The following SCMH1 variants were observed in gnomAD, a reference collection of about 807,000 sequenced individuals.
SCMH1 encodes Scm polycomb group protein homolog 1.
Under a neutral mutation model 70.8 loss-of-function variants are expected in SCMH1, and 37 were observed. That is an observed-to-expected ratio of 0.52 (90% CI 0.40 to 0.69). SCMH1 has a LOEUF of 0.69. Among genes scored for constraint, SCMH1 ranks in the 30% least tolerant of loss-of-function variants. The probability of loss-of-function intolerance (pLI) is 0.00; values close to 1 mark genes in which losing one functional copy is unlikely to be tolerated. For synonymous variants in SCMH1, 292 were observed against 307.4 expected (o/e 0.95, Z 0.52); for missense variants, 607 against 827.3 (o/e 0.73, Z 3.27).
At chr1:41,122,353 A>G (rs1368406167) in intron 6 of SCMH1, among the ~76,000 whole-genome samples, 5 of 152,194 alleles carry the variant, frequency 3.3e-5, no homozygotes. Flanking sequence ...TTGCTGAGAC[A>G]TCACTTCCTC....
intron 10 of SCMH1, among the ~76,000 whole-genome samples, chr1:41,062,481 C>T (rs989157815): frequency 6.6e-6 from 1 of 151,916 alleles, no homozygotes; most frequent in Non-Finnish European, 1.5e-5. Context: ...TTGGCTCACA[C>T]CTGTAATCCC....
chr1:41,033,348 C>T (rs368187568), intron 13 of SCMH1, among the ~76,000 whole-genome samples: 1 of 151,918 alleles, frequency 6.6e-6, no homozygotes, highest in African/African-American at 2.4e-5. Context: ...CATGAACTAC[C>T]AGGGTGGCAG....
chr1:41,156,241 C>G (rs1001618974), intron 4 of SCMH1, among the ~76,000 whole-genome samples: 1 of 152,198 alleles, frequency 6.6e-6, no homozygotes, highest in Non-Finnish European at 1.5e-5. Context: ...GGCTACTGTT[C>G]TGGCCACATT....
At chr1:41,131,041 C>G (rs1210538808) in intron 6 of SCMH1, among the ~76,000 whole-genome samples, 1 of 152,138 alleles carries the variant, frequency 6.6e-6, no homozygotes, top group East Asian at 1.9e-4. Context: ...TTAGCTCTTA[C>G]ATTTAGGTCC....
chr1:41,075,452 C>T lies in SCMH1; in HGVS notation c.746-1G>A. 6.2e-7 allele frequency: 1 copy of T among 1,612,946 alleles called. No homozygotes were observed. On this transcript the variant is annotated splice_acceptor_variant, in intron 8 of 14. Transcript: ENST00000337495. LOFTEE classifies it high-confidence loss of function. Reference sequence around the variant, plus strand: ...GGATAGGGATTCTTTGGAATCACAACTGCAAGAAAAAGACTCATTCTATCA... The same window carrying T: ...GGATAGGGATTCTTTGGAATCACAATTGCAAGAAAAAGACTCATTCTATCA...
At chr1:41,042,611 ACTCTG>A (rs1646337853) in intron 12 of SCMH1, among the ~76,000 whole-genome samples, 1 of 150,920 alleles carries the variant, frequency 6.6e-6, no homozygotes, top group African/African-American at 2.4e-5. Context: ...TGAAGAAGAG[ACTCTG>A]CTCTGACATT....
At chr1:41,154,902 G>A (rs1343602223) in intron 4 of SCMH1, among the ~76,000 whole-genome samples, 1 of 152,076 alleles carries the variant, frequency 6.6e-6, no homozygotes, top group East Asian at 1.9e-4. Flanking sequence ...ATATGACAGG[G>A]GTCCCTGCCC....
At chr1:41,185,644 T>C (rs1053133368) in intron 2 of SCMH1, among the ~76,000 whole-genome samples, 2 of 151,806 alleles carry the variant, frequency 1.3e-5, no homozygotes, top group Non-Finnish European at 2.9e-5. Flanking sequence ...AGATTTTTTT[T>C]TTTTTTTTGA....
At chr1:41,119,046 T>G (rs1333301115) in intron 6 of SCMH1, among the ~76,000 whole-genome samples, 1 of 152,172 alleles carries the variant, frequency 6.6e-6, no homozygotes, top group Non-Finnish European at 1.5e-5. Context: ...TATTTGAAGT[T>G]AAATAAATTG....
chr1:41,087,526 A>G (rs1662080925), intron 8 of SCMH1, among the ~76,000 whole-genome samples: 2 of 152,104 alleles, frequency 1.3e-5, no homozygotes, highest in South Asian at 4.1e-4. Flanking sequence ...AAAGAAAAAA[A>G]AAAGATAAAA....
intron 8 of SCMH1, among the ~76,000 whole-genome samples, chr1:41,104,240 C>T (rs991905958): frequency 3.3e-5 from 5 of 152,292 alleles, no homozygotes; most frequent in Non-Finnish European, 7.3e-5. Flanking sequence ...GCACTGCTAA[C>T]ATGAGCCTGT....
intron 10 of SCMH1, among the ~76,000 whole-genome samples, chr1:41,063,868 T>G (rs79611189): frequency 0.013 from 2,034 of 152,330 alleles, 46 homozygotes; most frequent in African/African-American, 0.047. Context: ...TTAGATAGGT[T>G]CATTCGTGAA....
intron 2 of SCMH1, among the ~76,000 whole-genome samples, chr1:41,169,395 T>G (rs1646637088): frequency 6.6e-6 from 1 of 152,122 alleles, no homozygotes; most frequent in Admixed American, 6.5e-5. Context: ...GGGACCTACA[T>G]GTTCCTACTT....
chr1:41,181,550 A>C (rs928389478), intron 2 of SCMH1, among the ~76,000 whole-genome samples: 4 of 152,222 alleles, frequency 2.6e-5, no homozygotes, highest in Non-Finnish European at 4.4e-5. Flanking sequence ...ATATGAACAG[A>C]CACTTCTCAA....
chr1:41,181,220 T>C (rs1308892404), intron 2 of SCMH1, among the ~76,000 whole-genome samples: 1 of 152,150 alleles, frequency 6.6e-6, no homozygotes, highest in Admixed American at 6.5e-5. Context: ...AAGACTTAAA[T>C]GTTAGACCTA....
intron 8 of SCMH1, among the ~76,000 whole-genome samples, chr1:41,085,541 T>A (rs1049346193): frequency 1.3e-5 from 2 of 152,136 alleles, no homozygotes; most frequent in Non-Finnish European, 2.9e-5. Context: ...AGAAACAAAT[T>A]AGAAGCCTAA....
At chr1:41,063,107 C>A (rs565745152) in intron 10 of SCMH1, among the ~76,000 whole-genome samples, 8 of 151,898 alleles carry the variant, frequency 5.3e-5, no homozygotes, top group Non-Finnish European at 1.2e-4. Context: ...CAAATTAAAT[C>A]CAAAGTAAGC....
At chr1:41,042,873 C>T (rs1347606945) in intron 12 of SCMH1, among the ~76,000 whole-genome samples, 1 of 151,810 alleles carries the variant, frequency 6.6e-6, no homozygotes, top group Admixed American at 6.6e-5. Context: ...AACAACTGGC[C>T]TGGATTATTC....
chr1:41,147,856 C>T (rs1557654012), intron 5 of SCMH1, among the ~76,000 whole-genome samples: 1 of 152,054 alleles, frequency 6.6e-6, no homozygotes, highest in Non-Finnish European at 1.5e-5. Context: ...CATACATTTA[C>T]TTTTAACCTA....
Sources: gnomAD v4.1 joint callset for allele counts (sites outside exome capture counted in the v4.1 genomes callset) on GRCh38, gnomAD v4.1.1 for gene constraint, MANE v1.5 for transcripts, NCBI Gene and HGNC (gene_info 2026-07-23, HGNC 2026-07-21) for gene names.